Variants in CALCR observed in about 807,000 individuals in gnomAD.
CALCR encodes the protein calcitonin receptor.
A neutral mutation model predicts 59.5 loss-of-function variants in CALCR; 47 were observed. The observed-to-expected ratio is 0.79, with a 90% confidence interval of 0.63 to 1.01. The LOEUF is 1.01. CALCR is among the 50% of genes least tolerant of loss of function. CALCR has a pLI of 0.00. For synonymous variants in CALCR, 213 were observed against 211.3 expected, an observed-to-expected ratio of 1.01 and a Z score of -0.07; for missense variants, 566 against 597.1, an observed-to-expected ratio of 0.95 and a Z score of 0.54.
intron 13 of CALCR, among the ~76,000 whole-genome samples, chr7:93,431,281 G>A (rs545722756): frequency 5.3e-5 from 8 of 152,070 alleles, no homozygotes; most frequent in East Asian, 1.9e-4. Flanking sequence ...TTTTTGTTTC[G>A]AGAGCACAGT....
intron 9 of CALCR, among the ~76,000 whole-genome samples, chr7:93,439,751 T>C (rs1359397806): frequency 6.6e-6 from 1 of 152,136 alleles, no homozygotes; most frequent in East Asian, 1.9e-4. Flanking sequence ...TTGTTCAATA[T>C]AGAAGTCCAT....
rs55879216 is a variant in CALCR at position 93,554,769 on chromosome 7, G to GTATATATATATATATATATATATATATA, written c.-27+19519_-27+19520insTATATATATATATATATATATATATATA. Among the ~76,000 whole-genome samples the GTATATATATATATATATATATATATATA allele has an allele frequency of 3.9e-3, 455 of 116,988 alleles. 21 individuals are homozygous for GTATATATATATATATATATATATATATA. The highest frequency in any genetic ancestry group is 0.012 in the African/African-American group (266 of 22,462). 76.7% of individuals were successfully genotyped at this position (116,988 alleles called of 152,430 possible). On this transcript the variant is annotated intron_variant, in intron 2 of 13. Transcript: ENST00000426151. ...ATAGATGTTCAAATTGCCAGGCCAT[G>GTATATATATATATATATATATATATATA]TATATATATATATATATATATATTA...
chr7:93,475,783 A>G lies in CALCR; in HGVS notation c.316+1775T>C, dbSNP rs113273413. On this transcript the variant is annotated intron_variant, in intron 5 of 13. Transcript: ENST00000426151. ...CCTACTTCACCTGATGAGTCTTTCA[A>G]TACTTGAAGAAAGGATTATGTTTAC... Among the ~76,000 whole-genome samples the G allele has an allele frequency of 1.2e-3, 181 of 151,954 alleles. 1 individual carries two copies. The highest frequency in any genetic ancestry group is 4.0e-3 in the African/African-American group (166 of 41,524).
chr7:93,541,604 T>A (rs141254376), intron 2 of CALCR, among the ~76,000 whole-genome samples: 1 of 152,316 alleles, frequency 6.6e-6, no homozygotes, highest in East Asian at 1.9e-4. Context: ...AAAAATCAGC[T>A]GCTGAGGTGT....
chr7:93,428,134 G>GTAT (rs1430542029), intron 13 of CALCR, among the ~76,000 whole-genome samples: 1 of 152,186 alleles, frequency 6.6e-6, no homozygotes, highest in Non-Finnish European at 1.5e-5. Flanking sequence ...GCTGAAAGTT[G>GTAT]TATTGAAAAA....
chr7:93,564,098 A>G (rs1376887589), intron 2 of CALCR, among the ~76,000 whole-genome samples: 2 of 152,138 alleles, frequency 1.3e-5, no homozygotes, highest in Admixed American at 6.5e-5. Context: ...TTTTTTAGAA[A>G]GTAGAAATTA....
At chr7:93,463,897 T>A (rs1401951117) in intron 7 of CALCR, among the ~76,000 whole-genome samples, 1 of 151,966 alleles carries the variant, frequency 6.6e-6, no homozygotes, top group Non-Finnish European at 1.5e-5. Flanking sequence ...AGAACATTGC[T>A]TATTATTTGA....
chr7:93,436,769 C>A (rs1562973245), intron 11 of CALCR, among the ~76,000 whole-genome samples: 1 of 152,154 alleles, frequency 6.6e-6, no homozygotes, highest in Admixed American at 6.5e-5. Flanking sequence ...TACATTTAAA[C>A]CTCCAGTTCA....
intron 2 of CALCR, among the ~76,000 whole-genome samples, chr7:93,507,741 A>T (rs1330978068): frequency 6.8e-6 from 1 of 145,998 alleles, no homozygotes; most frequent in Non-Finnish European, 1.5e-5. Context: ...CCCCGTCTCT[A>T]CTAAAAATAC....
intron 2 of CALCR, among the ~76,000 whole-genome samples, chr7:93,554,676 C>T (rs1367381204): frequency 6.6e-6 from 1 of 150,922 alleles, no homozygotes; most frequent in Non-Finnish European, 1.5e-5. Flanking sequence ...TTAATCTAAG[C>T]ATTACGTTCC....
At chr7:93,504,162 A>G (rs1801378707) in intron 2 of CALCR, among the ~76,000 whole-genome samples, 1 of 152,192 alleles carries the variant, frequency 6.6e-6, no homozygotes, top group Non-Finnish European at 1.5e-5. Context: ...CAAAGACAGA[A>G]AGCATTCAGT....
intron 2 of CALCR, among the ~76,000 whole-genome samples, chr7:93,555,217 T>C (rs1348240602): frequency 6.6e-6 from 1 of 152,074 alleles, no homozygotes; most frequent in Non-Finnish European, 1.5e-5. Flanking sequence ...ACTGGAGAAC[T>C]CCTCGGATGA....
At chr7:93,463,011 A>G (rs1554398161) in intron 7 of CALCR, among the ~76,000 whole-genome samples, 1 of 151,898 alleles carries the variant, frequency 6.6e-6, no homozygotes, top group Non-Finnish European at 1.5e-5. Context: ...TTTTTTTTAA[A>G]TTTAAAAATG....
chr7:93,573,836 A>C (rs908743153), intron 2 of CALCR, among the ~76,000 whole-genome samples: 1 of 152,058 alleles, frequency 6.6e-6, no homozygotes, highest in Non-Finnish European at 1.5e-5. Flanking sequence ...TTAACAAGCA[A>C]CTCCATTCAC....
At chr7:93,561,285 TAAC>T (rs1401853989) in intron 2 of CALCR, among the ~76,000 whole-genome samples, 1 of 152,136 alleles carries the variant, frequency 6.6e-6, no homozygotes, top group Non-Finnish European at 1.5e-5. Flanking sequence ...CACACACTAA[TAAC>T]ATCATTTTTT....
intron 13 of CALCR, among the ~76,000 whole-genome samples, chr7:93,432,340 G>A (rs1490282900): frequency 6.6e-6 from 1 of 152,078 alleles, no homozygotes; most frequent in African/African-American, 2.4e-5. Flanking sequence ...AGATGCAGCT[G>A]GAAATAACTT....
chr7:93,482,910 C>G, intron 3 of CALCR: 5 of 525,900 alleles, frequency 9.5e-6, no homozygotes, highest in South Asian at 7.2e-5. Flanking sequence ...AGTTCCTGGT[C>G]TGGTTCATAT....
rs542465123 is a variant in CALCR at position 93,486,872 on chromosome 7, A to G, written c.51+59T>C. The G allele has an allele frequency of 8.0e-5, 84 of 1,044,986 alleles. No homozygotes were observed. In the East Asian group the frequency reaches 2.0e-3, roughly 24 times the overall value. 64.7% of individuals were successfully genotyped at this position (1,044,986 alleles called of 1,614,324 possible). The stretch of plus-strand genomic sequence containing the variant: ...ATACTAATTAAATCACACTCAAAAC[A>G]TTCCTCCTTATTCAGCATTCTTCAT... On this transcript the variant is annotated intron_variant, in intron 3 of 13. Transcript: ENST00000426151.
chr7:93,536,389 T>A (rs1339581284), intron 2 of CALCR, among the ~76,000 whole-genome samples: 1 of 151,806 alleles, frequency 6.6e-6, no homozygotes, highest in Non-Finnish European at 1.5e-5. Context: ...TAACGTGTCC[T>A]ATTGACTAAT....
Sources: gnomAD v4.1 joint callset for allele counts (sites outside exome capture counted in the v4.1 genomes callset) on GRCh38, gnomAD v4.1.1 for gene constraint, MANE v1.5 for transcripts, NCBI Gene and HGNC (gene_info 2026-07-23, HGNC 2026-07-21) for gene names.